Variants in NBPF12 observed in about 807,000 individuals in gnomAD.
NBPF12 encodes NBPF member 12.
A neutral mutation model predicts 146.4 loss-of-function variants in NBPF12; 115 were observed. The observed-to-expected ratio is 0.79, with a 90% CI of 0.68 to 0.92. NBPF12 has a LOEUF of 0.92. NBPF12 is among the 40% of genes least tolerant of loss of function. The pLI is 0.00. For missense variants in NBPF12, 1,205 were observed against 1,326.8 expected, an observed-to-expected ratio of 0.91 and a Z score of 1.43; for synonymous variants, 385 against 508.9, an observed-to-expected ratio of 0.76 and a Z score of 3.28.
intron 2 of NBPF12, chr1:146,957,011 ATT>A (rs1164905156): frequency 2.3e-5 from 3 of 131,130 alleles, no homozygotes; most frequent in African/African-American, 8.1e-5. Flanking sequence ...ACAGTTATTG[ATT>A]TTTTTTAGTA....
At chr1:146,961,943 T>C in intron 4 of NBPF12, among the ~76,000 whole-genome samples, 1 of 152,240 alleles carries the variant, frequency 6.6e-6, no homozygotes, top group East Asian at 1.9e-4. Context: ...ACTTCCTTGA[T>C]GTGCTCTTGA....
chr1:146,943,412 T>C, exon 2 of NBPF12: 1 of 490,850 alleles, frequency 2.0e-6, no homozygotes, highest in Non-Finnish European at 3.6e-6. Flanking sequence ...CTGTGTGCTC[T>C]TGGCCTCCAC....
At chr1:146,982,767 A>T (rs1247113444) in intron 19 of NBPF12, among the ~76,000 whole-genome samples, 161 bp from the exon 23 acceptor site, 38 of 151,404 alleles carry the variant, frequency 2.5e-4, no homozygotes, top group African/African-American at 8.8e-4. Context: ...GTCACCCTCC[A>T]CCCTGTATTT....
At chr1:146,942,588 CATCT>C (rs1654856648) in intron 1 of NBPF12, among the ~76,000 whole-genome samples, 1 of 149,536 alleles carries the variant, frequency 6.7e-6, no homozygotes, top group African/African-American at 2.5e-5. Context: ...CGGTTTTCAC[CATCT>C]AACAAATAAA....
At chr1:146,963,646 TGTC>T (rs1439740049) in intron 6 of NBPF12, among the ~76,000 whole-genome samples, 5 of 152,046 alleles carry the variant, frequency 3.3e-5, no homozygotes, top group South Asian at 2.1e-4. Flanking sequence ...GTTCCCAGGC[TGTC>T]TTTTTGGCAA....
At chr1:146,950,317 A>G (rs1655273791) in intron 1 of NBPF12, among the ~76,000 whole-genome samples, 1 of 151,956 alleles carries the variant, frequency 6.6e-6, no homozygotes, top group African/African-American at 2.4e-5. Flanking sequence ...GATCCTTGAC[A>G]TAATTCCCTT....
rs587693503 is a variant in NBPF12, at chr1:146,994,294, T to C, written c.4131-38T>C. The C allele has an allele frequency of 5.4e-4, 873 of 1,611,318 alleles. 8 individuals carry two copies. In the South Asian group the frequency reaches 9.0e-3, roughly 17 times the overall value. ...TAGTGAGGCTCTGTGGTGTCTGACT[T>C]TCCCTGGCTGCTTCTTTAGTTTTGT... On this transcript the variant is annotated intron_variant, in intron 33 of 33. Coordinates refer to ENST00000617844, the Ensembl canonical transcript of NBPF12.
chr1:146,972,885 C>T lies in NBPF12; in HGVS notation c.1726C>T (p.Gln576Ter). ...CCCCCAGCTGGCAGAGAAGAAACAG[C>T]AGTTCAGAAGCCTCAAAGAGAAATG... Residue 576 changes from glutamine to a stop codon, truncating the protein, a stop_gained, in exon 14 of 34, where the codon CAG becomes TAG. Transcript: ENST00000617844. LOFTEE classifies it high-confidence loss of function. 1 of 1,099,670 alleles carries T rather than the reference C, an allele frequency of 9.1e-7. No homozygotes were observed. The allele number at this position is 1,099,670 out of a possible 1,614,324, so 68.1% of individuals were successfully genotyped here.
At chr1:146,982,561 TCAA>T (rs1657461653) in intron 19 of NBPF12, among the ~76,000 whole-genome samples, 1 of 151,966 alleles carries the variant, frequency 6.6e-6, no homozygotes, top group Admixed American at 6.6e-5. Flanking sequence ...CTGCATTGGG[TCAA>T]GAACTCTCTT....
At chr1:146,955,879 G>A (rs1367490743) in intron 2 of NBPF12, among the ~76,000 whole-genome samples, 1 of 151,370 alleles carries the variant, frequency 6.6e-6, no homozygotes, top group East Asian at 1.9e-4. Context: ...CTCCTGTTAA[G>A]AATGCCTTCG....
At chr1:146,945,187 A>AT (rs1654996944), upstream of NBPF12, among the ~76,000 whole-genome samples, 1 of 139,528 alleles carries the variant, frequency 7.2e-6, no homozygotes, top group African/African-American at 2.7e-5. Flanking sequence ...TTGTTCTACT[A>AT]TTTTAAATAG....
intron 2 of NBPF12, among the ~76,000 whole-genome samples, chr1:146,953,338 T>C (rs1655406148): frequency 1.4e-5 from 2 of 143,224 alleles, no homozygotes; most frequent in African/African-American, 2.7e-5. Flanking sequence ...GGAGTCACCA[T>C]AGTGGAAATT....
chr1:146,964,362 G>T (rs1656055960), exon 7 of NBPF12: 3 of 1,602,508 alleles, frequency 1.9e-6, no homozygotes, highest in Non-Finnish European at 2.6e-6. Flanking sequence ...TATAGAAAAT[G>T]ATGAAGATGA....
At position 146,954,972 on chromosome 1, in the gene NBPF12, ATATATATATATATATAT is replaced by A. The variant is rs1655512575; in HGVS notation, c.-184+3484_-184+3500del. Among the ~76,000 whole-genome samples, 19 of 9,892 alleles carry A rather than the reference ATATATATATATATATAT, an allele frequency of 1.9e-3. 4 individuals are homozygous for A. The South Asian group carries it at 0.1, about 53-fold the overall frequency. 6.5% of individuals were successfully genotyped at this position (9,892 alleles called of 152,430 possible). A position where few individuals can be genotyped will look rare whatever the true frequency, so the allele number is the denominator to read the frequency against. On this transcript the variant is annotated intron_variant, in intron 2 of 33. Coordinates refer to ENST00000617844, the Ensembl canonical transcript of NBPF12. ...AGATTATCATCTCCAAATAGGGAAT[ATATATATATATATATAT>A]ATATATATATATATATATATATATA...
At chr1:146,944,407 C>G (rs1654928857), upstream of NBPF12, among the ~76,000 whole-genome samples, 1 of 145,704 alleles carries the variant, frequency 6.9e-6, no homozygotes, top group African/African-American at 2.5e-5. Flanking sequence ...GGAGCCAGTG[C>G]AAGGAGGGAA....
At chr1:146,994,284 G>T (rs1167357319) in intron 33 of NBPF12, 48 bp from the exon 37 acceptor site, 14 of 1,610,978 alleles carry the variant, frequency 8.7e-6, no homozygotes, top group Middle Eastern at 2.2e-4. Flanking sequence ...AGGCTCTGTG[G>T]TGTCTGACTT....
chr1:146,952,261 C>T (rs1181850483), intron 2 of NBPF12, among the ~76,000 whole-genome samples: 1 of 152,104 alleles, frequency 6.6e-6, no homozygotes, highest in Non-Finnish European at 1.5e-5. Context: ...CTTGTGGGCT[C>T]TGTCTGGACA....
chr1:146,951,904 A>G (rs1655339649), intron 2 of NBPF12: 1 of 183,014 alleles, frequency 5.5e-6, no homozygotes, highest in African/African-American at 2.4e-5. Context: ...CTTATCTGAA[A>G]TACCACCAGG....
intron 13 of NBPF12, 34 bp downstream of exon 16, chr1:146,971,428 G>C: frequency 1.9e-6 from 3 of 1,559,684 alleles, no homozygotes; most frequent in African/African-American, 2.8e-5. Context: ...TCATACCTCT[G>C]TCTAGGCTAT....
Sources: allele counts gnomAD v4.1 joint callset (sites outside exome capture counted in the v4.1 genomes callset), GRCh38; gene constraint gnomAD v4.1.1; transcripts MANE v1.5; gene names NCBI Gene and HGNC (gene_info 2026-07-23, HGNC 2026-07-21).